Variants in GRIK2 observed in about 807,000 individuals in gnomAD.
GRIK2 encodes glutamate receptor ionotropic, kainate 2.
A neutral mutation model predicts 100.3 loss-of-function variants in GRIK2; 32 were observed. That is an observed-to-expected ratio of 0.32 (90% CI 0.24 to 0.43). GRIK2 has a LOEUF of 0.43. Among genes scored for constraint, GRIK2 ranks in the 20% least tolerant of loss-of-function variants. The pLI is 1.00. For synonymous variants in GRIK2, 417 were observed against 389.4 expected, an observed-to-expected ratio of 1.07 and a Z score of -0.83; for missense variants, 843 against 1,114.9, an observed-to-expected ratio of 0.76 and a Z score of 3.47.
chr6:101,600,658 AT>A (rs147045037), intron 2 of GRIK2, among the ~76,000 whole-genome samples: 2 of 150,950 alleles, frequency 1.3e-5, no homozygotes, highest in Non-Finnish European at 1.5e-5. Flanking sequence ...TTTTTTGTGG[AT>A]TTTTTTTAAG....
At chr6:101,673,589 A>G (rs563586152) in intron 4 of GRIK2, among the ~76,000 whole-genome samples, 1 of 152,254 alleles carries the variant, frequency 6.6e-6, no homozygotes, top group East Asian at 1.9e-4. Context: ...ACAGTATATA[A>G]AAACTGTTTA....
chr6:101,534,055 A>G (rs1775570138), intron 2 of GRIK2, among the ~76,000 whole-genome samples: 1 of 151,940 alleles, frequency 6.6e-6, no homozygotes, highest in African/African-American at 2.4e-5. Context: ...CAAGCAGGCC[A>G]AGATAATACA....
At chr6:101,741,201 ATTTTAAATAAT>A (rs140146757) in intron 7 of GRIK2, among the ~76,000 whole-genome samples, 5,506 of 152,300 alleles carry the variant, frequency 0.036, 173 homozygotes, top group East Asian at 0.12. Context: ...AAGTGTTGGA[ATTTTAAATAAT>A]TCACCAAATG....
intron 7 of GRIK2, among the ~76,000 whole-genome samples, chr6:101,706,787 C>A (rs1417586436): frequency 2.0e-5 from 3 of 151,882 alleles, no homozygotes; most frequent in Non-Finnish European, 4.4e-5. Context: ...AGCAAGGCTG[C>A]CAAGCTCAAT....
chr6:101,759,510 G>A (rs1322014948), intron 7 of GRIK2, among the ~76,000 whole-genome samples: 3 of 152,066 alleles, frequency 2.0e-5, no homozygotes, highest in African/African-American at 7.2e-5. Context: ...GGAGAAAGTA[G>A]GGCAGATATT....
intron 2 of GRIK2, among the ~76,000 whole-genome samples, chr6:101,446,786 C>G (rs994599487): frequency 7.9e-6 from 1 of 127,234 alleles, no homozygotes; most frequent in Non-Finnish European, 1.6e-5. Flanking sequence ...TCAAAACACT[C>G]TATACACATG....
rs566493404 is a variant in GRIK2, at chr6:101,732,361, A to G, written c.951+46008A>G. Among the ~76,000 whole-genome samples, 284 of 152,144 alleles carry G rather than the reference A, an allele frequency of 1.9e-3. 1 individual carries two copies. The highest frequency in any genetic ancestry group is 6.6e-3 in the African/African-American group (275 of 41,546). On this transcript the variant is annotated intron_variant, in intron 7 of 16. Transcript: ENST00000369134. ...ATTAATTAGATTATATTTTTAGGAA[A>G]CATTACTTTATTGAGATTTTTACAT... is the stretch of plus-strand genomic sequence containing the variant.
chr6:101,676,325 G>A (rs973082864), intron 4 of GRIK2, among the ~76,000 whole-genome samples: 11 of 152,166 alleles, frequency 7.2e-5, no homozygotes, highest in African/African-American at 2.6e-4. Context: ...CTTGAAAAAT[G>A]TCTTAAAGAA....
intron 12 of GRIK2, among the ~76,000 whole-genome samples, chr6:101,903,941 T>C (rs1788048679): frequency 6.6e-6 from 1 of 151,574 alleles, no homozygotes; most frequent in Admixed American, 6.6e-5. Context: ...TCAGGAGAAC[T>C]ATGTAGTAGA....
At chr6:101,957,500 A>T (rs1792015581) in intron 14 of GRIK2, among the ~76,000 whole-genome samples, 1 of 150,624 alleles carries the variant, frequency 6.6e-6, no homozygotes, top group Non-Finnish European at 1.5e-5. Context: ...TTATTTATTT[A>T]TTTTTTACTG....
At chr6:101,690,741 G>A (rs577148889) in intron 7 of GRIK2, among the ~76,000 whole-genome samples, 2 of 152,170 alleles carry the variant, frequency 1.3e-5, no homozygotes, top group South Asian at 4.2e-4. Flanking sequence ...CACCTTTGAT[G>A]TGTTGTCACT....
At chr6:101,446,092 C>T (rs1201653510) in intron 2 of GRIK2, among the ~76,000 whole-genome samples, 1 of 151,988 alleles carries the variant, frequency 6.6e-6, no homozygotes, top group East Asian at 1.9e-4. Flanking sequence ...ATCCACTCAG[C>T]ACCTGGCCTG....
intron 7 of GRIK2, among the ~76,000 whole-genome samples, chr6:101,759,856 T>TAAACAAAAA: frequency 7.7e-6 from 1 of 130,714 alleles, no homozygotes; most frequent in African/African-American, 3.5e-5. Flanking sequence ...TTTTATTTTT[T>TAAACAAAAA]TTATTTTTTT....
chr6:101,668,686 A>G (rs1020055201), intron 4 of GRIK2, among the ~76,000 whole-genome samples: 1 of 152,188 alleles, frequency 6.6e-6, no homozygotes, highest in Non-Finnish European at 1.5e-5. Flanking sequence ...TGAAATGATA[A>G]ATAGGCCTGA....
chr6:101,786,217 T>G (rs545372291), intron 7 of GRIK2, among the ~76,000 whole-genome samples: 1 of 152,114 alleles, frequency 6.6e-6, no homozygotes, highest in East Asian at 1.9e-4. Context: ...GTCTTTAGGT[T>G]TTTTAAAACA....
intron 4 of GRIK2, 102 bp downstream of exon 4, chr6:101,626,739 T>C: frequency 9.5e-7 from 1 of 1,053,954 alleles, no homozygotes; most frequent in Non-Finnish European, 1.4e-6. Context: ...TTATTTTGAG[T>C]TTTGAAAATT....
In GRIK2 at chr6:101,857,667, A is replaced by G. The variant is rs142102543; in HGVS notation, c.1318-1620A>G. 5.6e-4 allele frequency among the ~76,000 whole-genome samples: 85 copies of G among 152,358 alleles called. No homozygotes were observed. The East Asian group carries it at 0.015, about 26-fold the overall frequency. On this transcript the variant is annotated intron_variant, in intron 10 of 16. Transcript: ENST00000369134. ...TAAGATAACAGGGGCTTTGCCCATAAGCAAATAGTGAATAGCAGAACCAAT... is the reference window on the plus strand; with the variant it reads ...TAAGATAACAGGGGCTTTGCCCATAGGCAAATAGTGAATAGCAGAACCAAT...
At chr6:101,858,343 G>T (rs1784537737) in intron 10 of GRIK2, among the ~76,000 whole-genome samples, 1 of 146,066 alleles carries the variant, frequency 6.8e-6, no homozygotes. Flanking sequence ...ATAAGCACTT[G>T]ATAAAGATCA....
intron 2 of GRIK2, among the ~76,000 whole-genome samples, chr6:101,580,145 C>T (rs1440803176): frequency 6.6e-6 from 1 of 152,132 alleles, no homozygotes; most frequent in African/African-American, 2.4e-5. Flanking sequence ...ATTAGTATCT[C>T]ATCTCTGGCT....
Sources: gnomAD v4.1 joint callset for allele counts (sites outside exome capture counted in the v4.1 genomes callset) on GRCh38, gnomAD v4.1.1 for gene constraint, MANE v1.5 for transcripts, NCBI Gene and HGNC (gene_info 2026-07-23, HGNC 2026-07-21) for gene names.